Variants in GLTP observed in about 807,000 individuals in gnomAD.
The protein encoded by GLTP is glycolipid transfer protein.
In GLTP, 22 loss-of-function variants were observed where a neutral mutation model predicts 24.0. The ratio of observed to expected loss-of-function variants is 0.92; its 90% CI spans 0.65 to 1.31. The LOEUF (loss-of-function observed/expected upper bound fraction) is 1.31. GLTP is among the 50% of genes most tolerant of loss of function. The pLI is 0.00. For missense variants in GLTP, 224 were observed against 276.6 expected (o/e 0.81, Z 1.35); for synonymous variants, 92 against 115.9 (o/e 0.79, Z 1.33).
chr12:109,873,941 C>T (rs1303181293), intron 1 of GLTP, among the ~76,000 whole-genome samples: 1 of 152,206 alleles, frequency 6.6e-6, no homozygotes, highest in African/African-American at 2.4e-5. Flanking sequence ...ACCAGCTTGG[C>T]GGGCTGTTTA....
At position 109,855,714 on chromosome 12, in the gene GLTP, C is replaced by A. The variant is rs761084772; in HGVS notation, c.352G>T (p.Glu118Ter). Residue 118 changes from glutamate to a stop codon, truncating the protein, a stop_gained, in exon 4 of 5, where the codon GAG becomes TAG. Transcript: ENST00000318348. LOFTEE classifies it high-confidence loss of function. The surrounding 1 kb of genome is among the most constrained non-coding windows in gnomAD (Gnocchi z 4.1). ...ACACGGATGAGGTTGGGGTGGTTCT[C>A]GTCCCGCTCCCCGTCGCAGATGCTC... ...LQSICDGERD[E>*]NHPNLIRVNA... The A allele has an allele frequency of 6.2e-7, 1 of 1,608,806 alleles. No individual in the cohort carries two copies. Among genetic ancestry groups the A allele is most frequent in the Admixed American group, 1.7e-5 (1 of 59,258 alleles).
At chr12:109,861,967 C>T (rs1389990429) in intron 1 of GLTP, among the ~76,000 whole-genome samples, 2 of 152,210 alleles carry the variant, frequency 1.3e-5, no homozygotes, top group Non-Finnish European at 2.9e-5. Flanking sequence ...CTGTGCTCCC[C>T]TGTGAGGCCC....
chr12:109,855,620 TG>T lies in GLTP; in HGVS notation c.445del (p.Gln149ArgfsTer14). On this transcript the variant is annotated frameshift_variant and splice_region_variant, in exon 4 of 5. Transcript: ENST00000318348. LOFTEE classifies it high-confidence loss of function. The surrounding 1 kb of genome is among the most constrained non-coding windows in gnomAD (Gnocchi z 4.1). ...TTGGGGCTCATGGGGGTGGCTCACC[TG>T]GAAGATCTTCTGCACGATCCAGCCA... The part of the protein sequence containing the change: ...YHGWIVQKIF[Q>X]AALYAAPYKS... The T allele has an allele frequency of 6.5e-7, 1 of 1,541,698 alleles. No individual in the cohort carries two copies. Among genetic ancestry groups the T allele is most frequent in the Non-Finnish European group, 8.8e-7 (1 of 1,142,052 alleles).
At chr12:109,868,569 C>G (rs1318078303) in intron 1 of GLTP, among the ~76,000 whole-genome samples, 1 of 152,228 alleles carries the variant, frequency 6.6e-6, no homozygotes, top group East Asian at 1.9e-4. Context: ...AGATGCACAG[C>G]TTGCTTCACT....
At chr12:109,875,608 G>A (rs1392867280) in intron 1 of GLTP, among the ~76,000 whole-genome samples, 1 of 152,216 alleles carries the variant, frequency 6.6e-6, no homozygotes, top group East Asian at 1.9e-4. Flanking sequence ...CTTGCAAACT[G>A]ATCAGTCAGG....
intron 3 of GLTP, among the ~76,000 whole-genome samples, chr12:109,856,444 G>A (rs1472343055): frequency 1.3e-5 from 2 of 152,186 alleles, no homozygotes; most frequent in Non-Finnish European, 2.9e-5. Context: ...CCTGGGGCCT[G>A]TGAGGCTGAG....
rs191117867 is a variant in GLTP at position 109,853,675 on chromosome 12, G to A, written c.448-938C>T. The stretch of plus-strand genomic sequence containing the variant: ...TGCACTGCAGCCTGGGTGACAGAGC[G>A]AGACTCCGTTTCAAAAAAAAAAAAA... On this transcript the variant is annotated intron_variant, in intron 4 of 4. Transcript: ENST00000318348. 5.8e-3 allele frequency among the ~76,000 whole-genome samples: 858 copies of A among 147,972 alleles called. 9 individuals are homozygous for A. The highest frequency in any genetic ancestry group is 0.021 in the African/African-American group (819 of 39,950).
chr12:109,855,565 G>A lies in GLTP; in HGVS notation c.447+54C>T. ...GGCCTCGGCTAAGCAGGGGCAGAGT[G>A]GGGAGCAGAATCTGCAAGCTGGTGG... On this transcript the variant is annotated intron_variant, in intron 4 of 4. Coordinates refer to ENST00000318348, the MANE Select transcript of GLTP (RefSeq NM_016433.4). This position sits in a 1 kb window ranked among gnomAD's most constrained non-coding sequence, Gnocchi z 4.1. The A allele has an allele frequency of 6.8e-7, 1 of 1,475,142 alleles. No individual in the cohort carries two copies. The highest frequency in any genetic ancestry group is 9.1e-7 in the Non-Finnish European group (1 of 1,095,978). 91.4% of individuals were successfully genotyped at this position (1,475,142 alleles called of 1,614,324 possible).
intron 1 of GLTP, among the ~76,000 whole-genome samples, chr12:109,878,159 A>T (rs1868944319): frequency 6.6e-6 from 1 of 152,230 alleles, no homozygotes; most frequent in Non-Finnish European, 1.5e-5. Context: ...CTGGCACCAG[A>T]TGACTGCTGG....
chr12:109,873,794 G>A (rs1158958028), intron 1 of GLTP, among the ~76,000 whole-genome samples: 1 of 151,980 alleles, frequency 6.6e-6, no homozygotes, highest in Non-Finnish European at 1.5e-5. Context: ...GGGCGATGAA[G>A]CAAGACCTTG....
At position 109,880,216 on chromosome 12, in the gene GLTP, G is replaced by A. The variant is rs1166824689; in HGVS notation, c.103+56C>T. ...ATGGTTAGGGGATGCTCGGGGGAAG[G>A]AGGATTCGGGTGCGCGTGGGGCTGC... is the stretch of plus-strand genomic sequence containing the variant. On this transcript the variant is annotated intron_variant, in intron 1 of 4. Transcript: ENST00000318348. This position sits in a 1 kb window ranked among gnomAD's most constrained non-coding sequence, Gnocchi z 5.1. 5 of 1,033,382 alleles carry A rather than the reference G, an allele frequency of 4.8e-6. No individual in the cohort carries two copies. The highest frequency in any genetic ancestry group is 1.6e-5 in the African/African-American group (1 of 62,868). 64.0% of individuals were successfully genotyped at this position (1,033,382 alleles called of 1,614,324 possible).
chr12:109,877,123 G>C (rs535516063), intron 1 of GLTP, among the ~76,000 whole-genome samples: 1 of 152,256 alleles, frequency 6.6e-6, no homozygotes, highest in East Asian at 1.9e-4. Flanking sequence ...CAAAGTACTG[G>C]GATTACAGGC....
intron 1 of GLTP, among the ~76,000 whole-genome samples, chr12:109,877,094 T>C (rs1029291461): frequency 6.6e-6 from 1 of 152,176 alleles, no homozygotes; most frequent in Non-Finnish European, 1.5e-5. Flanking sequence ...CCTCAAGAGA[T>C]CCGCCCACCT....
chr12:109,860,844 G>A (rs1238024185), intron 1 of GLTP, among the ~76,000 whole-genome samples: 5 of 152,206 alleles, frequency 3.3e-5, no homozygotes, highest in Non-Finnish European at 5.9e-5. Flanking sequence ...CCCCATGGCA[G>A]GCTGTCACAG....
chr12:109,860,295 A>G (rs985233667), intron 1 of GLTP: 1 of 212,514 alleles, frequency 4.7e-6, no homozygotes, highest in East Asian at 1.1e-4. Context: ...TCTTCTTAAG[A>G]CTAGTGGTAA....
chr12:109,861,860 T>C (rs963868869), intron 1 of GLTP, among the ~76,000 whole-genome samples: 35 of 152,226 alleles, frequency 2.3e-4, no homozygotes, highest in African/African-American at 8.2e-4. Flanking sequence ...GGTCATGTGC[T>C]GTGACCCAGC....
At chr12:109,858,846 C>CG (rs1044685830) in intron 1 of GLTP, 105 bp from the exon 2 acceptor site, 4 of 792,304 alleles carry the variant, frequency 5.0e-6, no homozygotes, top group African/African-American at 1.7e-5. Context: ...TGGTGTGTCC[C>CG]GGGGAGAGCT....
chr12:109,869,303 C>CAAAAAAAA (rs140914540), intron 1 of GLTP, among the ~76,000 whole-genome samples: 261 of 48,964 alleles, frequency 5.3e-3, no homozygotes, highest in Non-Finnish European at 7.5e-3. Context: ...GGCTCTACCT[C>CAAAAAAAA]AAAAAAAAAA....
intron 1 of GLTP, among the ~76,000 whole-genome samples, chr12:109,876,817 G>C (rs548144068): frequency 3.3e-5 from 5 of 152,328 alleles, no homozygotes; most frequent in African/African-American, 1.2e-4. Flanking sequence ...CTGTCAACCA[G>C]TAATGAGCAA....
Sources: gnomAD v4.1 joint callset for allele counts (sites outside exome capture counted in the v4.1 genomes callset) on GRCh38, gnomAD v4.1.1 for gene constraint, Gnocchi (gnomAD v3.1) non-coding constraint, MANE v1.5 for transcripts, NCBI Gene and HGNC (gene_info 2026-07-23, HGNC 2026-07-21) for gene names.